Variants in TMEM260 observed in about 807,000 individuals in gnomAD.
TMEM260 encodes transmembrane protein 260, also known as protein O-mannosyl-transferase TMEM260.
A neutral mutation model predicts 88.9 loss-of-function variants in TMEM260; 82 were observed. That is an observed-to-expected ratio of 0.92 (90% confidence interval 0.77 to 1.11). The LOEUF (loss-of-function observed/expected upper bound fraction) is 1.11. Ranked by LOEUF, TMEM260 falls within the 50% of genes least tolerant of loss-of-function variation. TMEM260 has a pLI of 0.00. For synonymous variants in TMEM260, 314 were observed against 309.3 expected, an observed-to-expected ratio of 1.02 and a Z score of -0.16; for missense variants, 902 against 853.4, an observed-to-expected ratio of 1.06 and a Z score of -0.71.
chr14:56,596,175 C>A (rs981321384), intron 3 of TMEM260, among the ~76,000 whole-genome samples: 3 of 151,860 alleles, frequency 2.0e-5, no homozygotes, highest in Non-Finnish European at 4.4e-5. Context: ...AAAAATATTT[C>A]TTTCCAAATA....
At chr14:56,593,780 C>T (rs937764545) in intron 3 of TMEM260, among the ~76,000 whole-genome samples, 3 of 147,794 alleles carry the variant, frequency 2.0e-5, no homozygotes, top group Admixed American at 1.4e-4. Context: ...CTCCGCTTCC[C>T]GGGTTCACGC....
intron 7 of TMEM260, chr14:56,613,234 G>A (rs1418366484): frequency 6.6e-6 from 1 of 151,644 alleles, no homozygotes; most frequent in African/African-American, 2.4e-5. Context: ...TGGAACTCTT[G>A]GGGCTGTTTG....
chr14:56,609,919 A>G (rs1887147390), intron 6 of TMEM260, among the ~76,000 whole-genome samples: 1 of 152,176 alleles, frequency 6.6e-6, no homozygotes, highest in African/African-American at 2.4e-5. Context: ...ATTTTCATAT[A>G]GACAGTTATA....
At chr14:56,628,026 A>T (rs777997464) in intron 12 of TMEM260, among the ~76,000 whole-genome samples, 1 of 152,196 alleles carries the variant, frequency 6.6e-6, no homozygotes, top group South Asian at 2.1e-4. Flanking sequence ...TGATATTGGC[A>T]TATTTCACTT....
chr14:56,610,571 G>T (rs971244543), intron 6 of TMEM260, among the ~76,000 whole-genome samples: 4 of 151,978 alleles, frequency 2.6e-5, no homozygotes, highest in African/African-American at 9.7e-5. Context: ...AATGAATGTT[G>T]GATCTGTAGA....
In TMEM260 at chr14:56,648,205, T is replaced by G. The variant is rs946488570; in HGVS notation, c.*708T>G. On this transcript the variant is annotated 3_prime_UTR_variant, in exon 16 of 16. Transcript: ENST00000261556. ...TTTTATTTCTATTTGGACTCAGAGA[T>G]CTAGACCCAATAATTAGTAGGCTCC... 3 of 151,964 alleles carry G rather than the reference T, an allele frequency of 2.0e-5. No homozygotes were observed. Among genetic ancestry groups the G allele is most frequent in the African/African-American group, 7.3e-5 (3 of 41,368 alleles). The allele number at this position is 151,964 out of a possible 1,614,324, so 9.4% of individuals were successfully genotyped here.
intron 15 of TMEM260, among the ~76,000 whole-genome samples, chr14:56,641,737 C>T (rs1315529352): frequency 1.3e-5 from 2 of 152,214 alleles, no homozygotes; most frequent in African/African-American, 2.4e-5. Context: ...GATAAAGAGT[C>T]AAGACCCATC....
At chr14:56,646,527 C>T (rs1001605085) in intron 15 of TMEM260, among the ~76,000 whole-genome samples, 15 of 152,134 alleles carry the variant, frequency 9.9e-5, no homozygotes, top group Non-Finnish European at 8.8e-5. Context: ...CTGTAGAAAA[C>T]TCAGTATAAA....
At chr14:56,595,779 G>T (rs1446853501) in intron 3 of TMEM260, among the ~76,000 whole-genome samples, 1 of 152,062 alleles carries the variant, frequency 6.6e-6, no homozygotes, top group African/African-American at 2.4e-5. Context: ...GAGCCACCAT[G>T]CCCAGTCTAT....
At chr14:56,633,500 T>A (rs1888786361) in intron 13 of TMEM260, 1 of 168,616 alleles carries the variant, frequency 5.9e-6, no homozygotes, top group South Asian at 1.8e-4. Context: ...CAGAAGAGGT[T>A]CATTAACTGC....
chr14:56,588,284 T>A (rs1885637299), intron 3 of TMEM260, among the ~76,000 whole-genome samples: 1 of 152,066 alleles, frequency 6.6e-6, no homozygotes, highest in East Asian at 1.9e-4. Context: ...TTAACAGGTT[T>A]AGGTTTTTTT....
intron 3 of TMEM260, among the ~76,000 whole-genome samples, chr14:56,596,441 T>C (rs571228905): frequency 3.4e-4 from 47 of 139,896 alleles, no homozygotes; most frequent in East Asian, 1.9e-3. Flanking sequence ...CACACACATA[T>C]ACATATATAT....
chr14:56,584,024 G>A (rs1195152603), intron 1 of TMEM260, among the ~76,000 whole-genome samples: 4 of 139,210 alleles, frequency 2.9e-5, no homozygotes, highest in African/African-American at 5.4e-5. Context: ...GTGTGTGTGT[G>A]TGTATGTGTT....
intron 5 of TMEM260, among the ~76,000 whole-genome samples, chr14:56,607,976 A>G (rs1242756745): frequency 6.6e-6 from 1 of 152,248 alleles, no homozygotes; most frequent in Non-Finnish European, 1.5e-5. Flanking sequence ...TAATATGCAG[A>G]AACTGTGCAA....
At chr14:56,620,040 A>G (rs1430090313) in intron 10 of TMEM260, among the ~76,000 whole-genome samples, 1 of 152,204 alleles carries the variant, frequency 6.6e-6, no homozygotes, top group Admixed American at 6.5e-5. Flanking sequence ...AGAGGAACAG[A>G]AAACCTAATA....
At chr14:56,641,799 C>G (rs763467974) in intron 15 of TMEM260, among the ~76,000 whole-genome samples, 8 of 152,074 alleles carry the variant, frequency 5.3e-5, no homozygotes, top group Non-Finnish European at 1.2e-4. Context: ...CACATAGGCT[C>G]AAAATAAAGG....
chr14:56,638,328 A>G (rs1016245179), intron 15 of TMEM260: 1 of 148,190 alleles, frequency 6.7e-6, no homozygotes, highest in Non-Finnish European at 1.5e-5. Flanking sequence ...TCTAAAAAAG[A>G]AAAAAAAAAG....
chr14:56,658,260 G>A, the TMEM260 span, among the ~76,000 whole-genome samples: 1 of 151,214 alleles, frequency 6.6e-6, no homozygotes, highest in African/African-American at 2.5e-5. Flanking sequence ...TTGTTTGTTT[G>A]TTTTTGAGAT....
chr14:56,618,099 A>G (rs10130467), intron 9 of TMEM260, among the ~76,000 whole-genome samples: 2,811 of 152,150 alleles, frequency 0.018, 91 homozygotes, highest in African/African-American at 0.064. Flanking sequence ...GCCCTGGACA[A>G]GTGCTTCCTG....
Sources: allele counts gnomAD v4.1 joint callset (sites outside exome capture counted in the v4.1 genomes callset), GRCh38; gene constraint gnomAD v4.1.1; transcripts MANE v1.5; gene names NCBI Gene and HGNC (gene_info 2026-07-23, HGNC 2026-07-21).